The following ATG10 variants were observed in gnomAD, a reference collection of about 807,000 sequenced individuals.
The protein encoded by ATG10 is autophagy related 10.
A neutral mutation model predicts 32.1 loss-of-function variants in ATG10; 30 were observed. That is an observed-to-expected ratio of 0.94 (90% CI 0.70 to 1.27). The LOEUF (loss-of-function observed/expected upper bound fraction) is 1.27. Among genes scored for constraint, ATG10 ranks in the 50% most tolerant of loss-of-function variants. The pLI, the probability that ATG10 is intolerant of heterozygous loss-of-function variation, is 0.00. For synonymous variants in ATG10, 87 were observed against 91.5 expected, an observed-to-expected ratio of 0.95 and a Z score of 0.28; for missense variants, 233 against 262.3, an observed-to-expected ratio of 0.89 and a Z score of 0.77.
chr5:82,202,327 A>T (rs1745099085), intron 5 of ATG10, among the ~76,000 whole-genome samples: 1 of 152,106 alleles, frequency 6.6e-6, no homozygotes, highest in Admixed American at 6.5e-5. Flanking sequence ...GTCTCATCTG[A>T]TCAGCTGAAG....
chr5:82,115,646 A>G (rs1765782286), intron 3 of ATG10, among the ~76,000 whole-genome samples: 1 of 152,028 alleles, frequency 6.6e-6, no homozygotes, highest in Non-Finnish European at 1.5e-5. Flanking sequence ...ATACTGTCTC[A>G]TACTTTAAAC....
intron 5 of ATG10, among the ~76,000 whole-genome samples, chr5:82,180,830 A>G (rs1744201314): frequency 6.6e-6 from 1 of 152,146 alleles, no homozygotes; most frequent in South Asian, 2.1e-4. Flanking sequence ...GCAGGCCTGT[A>G]TATAGCACAA....
intron 5 of ATG10, among the ~76,000 whole-genome samples, chr5:82,202,893 C>T (rs1186161272): frequency 6.6e-6 from 1 of 152,196 alleles, no homozygotes; most frequent in East Asian, 1.9e-4. Flanking sequence ...AGGGACTACT[C>T]TTTGGGCAGG....
chr5:82,253,511 C>CAA lies in ATG10; in HGVS notation c.*4+85_*4+86dup, dbSNP rs1263043452. On this transcript the variant is annotated intron_variant, in intron 7 of 7. Transcript: ENST00000282185. ...GCATTTAGACTCATCCCACCAAATG[C>CAA]AAAATTTGCTTTCATCTTTAGTGGG... 8 of 975,346 alleles carry CAA rather than the reference C, an allele frequency of 8.2e-6. No individual in the cohort carries two copies. The African/African-American group carries it at 9.5e-5, about 12-fold the overall frequency. The allele number at this position is 975,346 out of a possible 1,614,324, so 60.4% of individuals were successfully genotyped here.
At chr5:82,077,923 A>C (rs769306533) in intron 3 of ATG10, among the ~76,000 whole-genome samples, 2 of 152,206 alleles carry the variant, frequency 1.3e-5, no homozygotes, top group Non-Finnish European at 2.9e-5. Context: ...ACTGTAGTAC[A>C]AGTAAGGGAT....
At chr5:82,157,265 T>TA (rs1396911987) in intron 3 of ATG10, among the ~76,000 whole-genome samples, 4 of 152,168 alleles carry the variant, frequency 2.6e-5, no homozygotes. Context: ...TCAGTAGTAG[T>TA]AGTGATAATA....
chr5:82,009,933 T>G, intron 2 of ATG10: 1 of 1,611,646 alleles, frequency 6.2e-7, no homozygotes, highest in East Asian at 2.2e-5. Context: ...AATAATTCTG[T>G]GAAAGCAGGA....
intron 5 of ATG10, among the ~76,000 whole-genome samples, chr5:82,203,158 G>A (rs984510394): frequency 6.6e-6 from 1 of 151,900 alleles, no homozygotes; most frequent in African/African-American, 2.4e-5. Context: ...AACCTGGGTG[G>A]CAGAGGTTGC....
chr5:82,139,641 C>A (rs1161210516), intron 3 of ATG10, among the ~76,000 whole-genome samples: 3 of 138,300 alleles, frequency 2.2e-5, no homozygotes, highest in Non-Finnish European at 4.8e-5. Flanking sequence ...AGCGTCTCCG[C>A]CCAGCAGCCA....
chr5:82,040,820 C>T (rs1336682160), intron 2 of ATG10, among the ~76,000 whole-genome samples: 2 of 152,064 alleles, frequency 1.3e-5, no homozygotes, highest in African/African-American at 4.8e-5. Context: ...AATATAAACC[C>T]CTTGTCATGG....
At position 81,987,386 on chromosome 5, in the gene ATG10, A is replaced by G. The variant is rs1277001628; in HGVS notation, c.-12-173A>G. Among the ~76,000 whole-genome samples the G allele has an allele frequency of 1.3e-5, 2 of 152,188 alleles. No individual in the cohort carries two copies. Among genetic ancestry groups the G allele is most frequent in the Non-Finnish European group, 2.9e-5 (2 of 68,036 alleles). ...GCTGTCCTCCTGCTTTGGCCTCCCA[A>G]ATTGCTGGGATTACAGATGTGAGCC... On this transcript the variant is annotated intron_variant, in intron 1 of 7. Transcript: ENST00000282185.
intron 2 of ATG10, chr5:82,010,117 C>T (rs965680344): frequency 4.4e-5 from 69 of 1,567,602 alleles, no homozygotes; most frequent in South Asian, 2.3e-4. Flanking sequence ...CAGTTTTCCT[C>T]GGCGGCGTCA....
intron 2 of ATG10, among the ~76,000 whole-genome samples, chr5:81,999,081 C>T (rs1431996606): frequency 2.0e-5 from 3 of 150,536 alleles, no homozygotes; most frequent in Admixed American, 1.3e-4. Context: ...ACTATACATT[C>T]TTCTGCATAT....
At chr5:82,211,752 C>A (rs1006701182) in intron 5 of ATG10, among the ~76,000 whole-genome samples, 4 of 152,168 alleles carry the variant, frequency 2.6e-5, no homozygotes, top group African/African-American at 9.7e-5. Flanking sequence ...CTCACACTCC[C>A]ATATTTCAAC....
intron 5 of ATG10, among the ~76,000 whole-genome samples, chr5:82,215,237 G>A (rs969442901): frequency 2.6e-5 from 4 of 152,136 alleles, no homozygotes; most frequent in East Asian, 1.9e-4. Flanking sequence ...TCCATAGAAC[G>A]TCTTACAATA....
chr5:82,194,373 G>A (rs992212462), intron 5 of ATG10, among the ~76,000 whole-genome samples: 3 of 152,226 alleles, frequency 2.0e-5, no homozygotes, highest in South Asian at 4.1e-4. Context: ...AGGGCACATC[G>A]CCTAGATGTT....
intron 3 of ATG10, among the ~76,000 whole-genome samples, chr5:82,065,871 T>G (rs2149760628): frequency 6.6e-6 from 1 of 152,272 alleles, no homozygotes; most frequent in South Asian, 2.1e-4. Flanking sequence ...TTTGTGGATA[T>G]ATTATTGCAA....
chr5:82,042,776 C>G (rs909786907), intron 2 of ATG10, among the ~76,000 whole-genome samples: 8 of 152,206 alleles, frequency 5.3e-5, no homozygotes, highest in African/African-American at 1.9e-4. Flanking sequence ...TCTCCTTTGA[C>G]TCCATGTCTC....
At chr5:82,157,866 G>A (rs947113041) in intron 3 of ATG10, among the ~76,000 whole-genome samples, 5 of 152,148 alleles carry the variant, frequency 3.3e-5, no homozygotes, top group Admixed American at 2.6e-4. Context: ...AGACCTGACT[G>A]GTAGAAAACA....
Sources: allele counts gnomAD v4.1 joint callset (sites outside exome capture counted in the v4.1 genomes callset), GRCh38; gene constraint gnomAD v4.1.1; transcripts MANE v1.5; gene names NCBI Gene and HGNC (gene_info 2026-07-23, HGNC 2026-07-21).